The following CALN1 variants were observed in gnomAD, a reference collection of about 807,000 sequenced individuals.
CALN1 encodes the protein calneuron 1, also known as calcium-binding protein 8.
A neutral mutation model predicts 30.6 loss-of-function variants in CALN1; 17 were observed. The ratio of observed to expected loss-of-function variants is 0.56; its 90% CI spans 0.38 to 0.83. CALN1 has a LOEUF of 0.83. Among genes scored for constraint, CALN1 ranks in the 40% least tolerant of loss-of-function variants. The probability of loss-of-function intolerance (pLI) is 0.00; values close to 1 mark genes in which losing one functional copy is unlikely to be tolerated. For missense variants in CALN1, 291 were observed against 354.9 expected (o/e 0.82, Z 1.45); for synonymous variants, 156 against 131.4 (o/e 1.19, Z -1.28).
chr7:72,475,153 T>C, the CALN1 span, among the ~76,000 whole-genome samples: 1 of 152,166 alleles, frequency 6.6e-6, no homozygotes, highest in African/African-American at 2.4e-5. Context: ...GATAACGTTA[T>C]CCCATTTTCC....
At chr7:72,280,977 T>A (rs917098581) in intron 2 of CALN1, among the ~76,000 whole-genome samples, 13 of 152,008 alleles carry the variant, frequency 8.6e-5, no homozygotes, top group African/African-American at 2.7e-4. Context: ...ACCCCATTTC[T>A]ACTAAAAATA....
intron 5 of CALN1, among the ~76,000 whole-genome samples, chr7:72,014,746 C>T (rs539508463): frequency 2.6e-5 from 4 of 152,216 alleles, no homozygotes; most frequent in Non-Finnish European, 4.4e-5. Flanking sequence ...CCTGCAGCCT[C>T]GACCTCCCAG....
chr7:71,862,067 A>G (rs1266886392), intron 5 of CALN1, among the ~76,000 whole-genome samples: 1 of 152,154 alleles, frequency 6.6e-6, no homozygotes, highest in Non-Finnish European at 1.5e-5. Context: ...TGGCCATCTC[A>G]TCTTTCCTTG....
intron 3 of CALN1, among the ~76,000 whole-genome samples, chr7:72,112,507 C>T (rs1003084433): frequency 6.6e-6 from 1 of 152,094 alleles, no homozygotes; most frequent in Non-Finnish European, 1.5e-5. Flanking sequence ...TTCAGCGAGG[C>T]TAGGCAAGGC....
chr7:72,287,435 ATTTTTTTTT>A lies in CALN1; in HGVS notation c.120-8634_120-8626del, dbSNP rs71069052. On this transcript the variant is annotated intron_variant, in intron 2 of 6. Transcript: ENST00000395275. ...AAATCCATACACATACACCAAATTA[ATTTTTTTTT>A]TTTTTTTTTTTTTTTTTTTGAGACA... Among the ~76,000 whole-genome samples, 141 of 68,100 alleles carry A rather than the reference ATTTTTTTTT, an allele frequency of 2.1e-3. 1 individual carries two copies. Among genetic ancestry groups the A allele is most frequent in the African/African-American group, 7.7e-3 (129 of 16,664 alleles). 44.7% of individuals were successfully genotyped at this position (68,100 alleles called of 152,430 possible). A position where few individuals can be genotyped will look rare whatever the true frequency, so the allele number is the denominator to read the frequency against.
chr7:71,921,776 G>A (rs956128845), intron 5 of CALN1, among the ~76,000 whole-genome samples: 8 of 152,118 alleles, frequency 5.3e-5, no homozygotes, highest in African/African-American at 1.9e-4. Context: ...CACATAATCT[G>A]TCCTTGGTCC....
intron 2 of CALN1, among the ~76,000 whole-genome samples, chr7:72,380,440 T>C (rs181946554): frequency 2.0e-5 from 3 of 152,224 alleles, no homozygotes; most frequent in Non-Finnish European, 4.4e-5. Flanking sequence ...CTGGACAACA[T>C]AGCAAGACCC....
intron 2 of CALN1, among the ~76,000 whole-genome samples, chr7:72,357,840 A>T (rs938460493): frequency 7.1e-4 from 104 of 146,502 alleles, no homozygotes; most frequent in Non-Finnish European, 1.3e-3. Flanking sequence ...TTATATATTT[A>T]TATATATTTA....
Position 71,784,713 on chromosome 7 carries a change from GT to G in CALN1, c.*3061del, listed in dbSNP as rs1175892339. Reference sequence around the variant, plus strand: ...TTGTCAATCACTCAGCCTCCACACAGTTGGGCAGCCAAGGTCACTGGTTCCT... The same window carrying G: ...TTGTCAATCACTCAGCCTCCACACAGTGGGCAGCCAAGGTCACTGGTTCCT... On this transcript the variant is annotated 3_prime_UTR_variant, in exon 7 of 7. Transcript: ENST00000395275. The G allele has an allele frequency of 5.0e-6, 2 of 398,136 alleles. No homozygotes were observed. The highest frequency in any genetic ancestry group is 4.1e-5 in the African/African-American group (2 of 48,624). 24.7% of individuals were successfully genotyped at this position (398,136 alleles called of 1,614,324 possible). A position where few individuals can be genotyped will look rare whatever the true frequency, so the allele number is the denominator to read the frequency against.
intron 4 of CALN1, among the ~76,000 whole-genome samples, chr7:72,084,566 G>A (rs187772670): frequency 1.3e-5 from 2 of 151,560 alleles, no homozygotes; most frequent in African/African-American, 4.8e-5. Flanking sequence ...TCACCATGTT[G>A]GCCAGGCTGG....
intron 2 of CALN1, among the ~76,000 whole-genome samples, chr7:72,359,816 A>T (rs1446514296): frequency 1.3e-5 from 2 of 151,900 alleles, no homozygotes; most frequent in African/African-American, 2.4e-5. Flanking sequence ...TCTACTAAAA[A>T]TACAAAAAAA....
At chr7:72,404,714 G>C (rs142645968) in intron 1 of CALN1, among the ~76,000 whole-genome samples, 11 of 152,316 alleles carry the variant, frequency 7.2e-5, no homozygotes, top group African/African-American at 9.6e-5. Flanking sequence ...TGCCTGGGAA[G>C]TGGTCTCCTA....
At position 72,074,195 on chromosome 7, in the gene CALN1, C is replaced by T. The variant is rs569223305; in HGVS notation, c.388+31956G>A. ...GCCTTCGGTTGATTAATTGAGAAAG[C>T]GAACCAGTGAGGAGATATAAAAGAT... is the stretch of plus-strand genomic sequence containing the variant. On this transcript the variant is annotated intron_variant, in intron 4 of 6. Coordinates refer to ENST00000395275, the MANE Select transcript of CALN1 (RefSeq NM_031468.4). Among the ~76,000 whole-genome samples the T allele has an allele frequency of 9.2e-5, 14 of 152,202 alleles. No homozygotes were observed. In the East Asian group the frequency reaches 1.4e-3, roughly 15 times the overall value.
chr7:72,164,051 A>G (rs571871188), intron 3 of CALN1, among the ~76,000 whole-genome samples: 106 of 152,318 alleles, frequency 7.0e-4, no homozygotes, highest in Non-Finnish European at 1.1e-3. Flanking sequence ...ACTCTAATCC[A>G]ACAACTGGTA....
intron 2 of CALN1, among the ~76,000 whole-genome samples, chr7:72,377,626 A>G (rs1013568309): frequency 1.3e-5 from 2 of 152,276 alleles, no homozygotes; most frequent in Non-Finnish European, 1.5e-5. Context: ...CTCTGAACTA[A>G]TTTTGTAAAG....
intron 2 of CALN1, among the ~76,000 whole-genome samples, chr7:72,355,169 A>C (rs1046861096): frequency 1.6e-4 from 24 of 152,158 alleles, no homozygotes; most frequent in Admixed American, 1.0e-3. Flanking sequence ...CGGTCTCCCA[A>C]AGTGCTGCGA....
intron 4 of CALN1, among the ~76,000 whole-genome samples, chr7:72,029,783 C>T (rs541950754): frequency 3.9e-5 from 6 of 152,358 alleles, no homozygotes; most frequent in East Asian, 1.9e-4. Flanking sequence ...CATTACCTTA[C>T]GCCTCTCTGC....
At chr7:72,044,048 T>C (rs1802302872) in intron 4 of CALN1, among the ~76,000 whole-genome samples, 1 of 151,980 alleles carries the variant, frequency 6.6e-6, no homozygotes, top group Non-Finnish European at 1.5e-5. Context: ...CCACCATGAT[T>C]CAATTACCTC....
intron 4 of CALN1, among the ~76,000 whole-genome samples, chr7:72,097,077 T>C (rs1806287002): frequency 6.6e-6 from 1 of 151,802 alleles, no homozygotes; most frequent in Non-Finnish European, 1.5e-5. Context: ...TCAAACACCG[T>C]ATGTTCTCAC....
Sources: gnomAD v4.1 joint callset for allele counts (sites outside exome capture counted in the v4.1 genomes callset) on GRCh38, gnomAD v4.1.1 for gene constraint, MANE v1.5 for transcripts, NCBI Gene and HGNC (gene_info 2026-07-23, HGNC 2026-07-21) for gene names.